The following CDYL2 variants were observed in gnomAD, a reference collection of about 807,000 sequenced individuals.
CDYL2 encodes the protein chromodomain Y-like protein 2.
CDYL2 carries 23 observed loss-of-function variants against 49.4 expected under a neutral mutation model. The ratio of observed to expected loss-of-function variants is 0.47; its 90% CI spans 0.34 to 0.66. The LOEUF (loss-of-function observed/expected upper bound fraction) is 0.66, where lower values mean the gene tolerates loss of function less well. Ranked by LOEUF, CDYL2 falls within the 30% of genes least tolerant of loss-of-function variation. The pLI is 0.01. For synonymous variants in CDYL2, 360 were observed against 268.8 expected, an observed-to-expected ratio of 1.34 and a Z score of -3.32; for missense variants, 678 against 656.4, an observed-to-expected ratio of 1.03 and a Z score of -0.36.
chr16:80,794,497 T>A (rs1191306029), intron 1 of CDYL2, among the ~76,000 whole-genome samples: 1 of 151,898 alleles, frequency 6.6e-6, no homozygotes, highest in Non-Finnish European at 1.5e-5. Context: ...GGAACTGACA[T>A]GGCTGCACCT....
intron 3 of CDYL2, chr16:80,632,706 G>C (rs1907620140): frequency 6.1e-6 from 2 of 325,826 alleles, no homozygotes; most frequent in Non-Finnish European, 1.2e-5. Context: ...AGTTTAGCTG[G>C]AAAAGCCCAA....
intron 2 of CDYL2, among the ~76,000 whole-genome samples, chr16:80,659,249 C>A (rs976935075): frequency 3.3e-5 from 5 of 152,160 alleles, no homozygotes; most frequent in Non-Finnish European, 1.5e-5. Flanking sequence ...TCAAAAATGT[C>A]AGCGTCATTA....
At chr16:80,734,580 C>A (rs558349220) in intron 1 of CDYL2, among the ~76,000 whole-genome samples, 1 of 152,204 alleles carries the variant, frequency 6.6e-6, no homozygotes, top group African/African-American at 2.4e-5. Context: ...AAGGAGAAGC[C>A]TTTCTCCTAG....
At chr16:80,686,226 C>G (rs1166955558) in intron 1 of CDYL2, among the ~76,000 whole-genome samples, 1 of 152,188 alleles carries the variant, frequency 6.6e-6, no homozygotes, top group Admixed American at 6.5e-5. Flanking sequence ...GAAAAATACA[C>G]TCGGAAAATG....
chr16:80,666,640 G>A (rs1319966064), intron 2 of CDYL2, among the ~76,000 whole-genome samples: 1 of 152,194 alleles, frequency 6.6e-6, no homozygotes, highest in East Asian at 1.9e-4. Flanking sequence ...GAAGAGCCCT[G>A]ACAAAATACG....
At chr16:80,694,442 A>C (rs1323134270) in intron 1 of CDYL2, among the ~76,000 whole-genome samples, 5 of 152,188 alleles carry the variant, frequency 3.3e-5, no homozygotes, top group African/African-American at 9.7e-5. Flanking sequence ...GGTTTGAGCA[A>C]ATATGTAAAT....
chr16:80,612,556 A>C lies in CDYL2; in HGVS notation c.1218+70T>G. On this transcript the variant is annotated intron_variant, in intron 5 of 6. Coordinates refer to ENST00000570137, the MANE Select transcript of CDYL2 (RefSeq NM_152342.4). This position sits in a 1 kb window ranked among gnomAD's most constrained non-coding sequence, Gnocchi z 5.0. Reference sequence around the variant, plus strand: ...CACCCTCAGGTTTCTAGCCCCATGAAGAGCCCCTAAACCCAAGGCAGAGGA... The same window carrying C: ...CACCCTCAGGTTTCTAGCCCCATGACGAGCCCCTAAACCCAAGGCAGAGGA... 4 of 1,448,096 alleles carry C rather than the reference A, an allele frequency of 2.8e-6. No individual in the cohort carries two copies. Among genetic ancestry groups the C allele is most frequent in the Non-Finnish European group, 3.7e-6 (4 of 1,071,566 alleles). 89.7% of individuals were successfully genotyped at this position (1,448,096 alleles called of 1,614,324 possible).
chr16:80,657,797 T>A (rs1908873142), intron 2 of CDYL2, among the ~76,000 whole-genome samples: 2 of 152,140 alleles, frequency 1.3e-5, no homozygotes, highest in South Asian at 4.1e-4. Context: ...ATCCCACTTC[T>A]AGAAATTTAA....
chr16:80,748,500 C>A (rs1597113767), intron 1 of CDYL2, among the ~76,000 whole-genome samples: 1 of 71,540 alleles, frequency 1.4e-5, no homozygotes, highest in African/African-American at 5.4e-5. Context: ...CAGAGCAAAA[C>A]TCCATTAAAA....
chr16:80,781,910 G>C (rs1303330190), intron 1 of CDYL2, among the ~76,000 whole-genome samples: 1 of 151,850 alleles, frequency 6.6e-6, no homozygotes, highest in African/African-American at 2.4e-5. Context: ...GCAGTGCTCA[G>C]GGGACATTTA....
intron 1 of CDYL2, among the ~76,000 whole-genome samples, chr16:80,764,306 T>C (rs1472058614): frequency 1.3e-5 from 2 of 152,146 alleles, no homozygotes; most frequent in Non-Finnish European, 2.9e-5. Flanking sequence ...ATGTGACCTA[T>C]ATAAAGACAA....
intron 1 of CDYL2, among the ~76,000 whole-genome samples, chr16:80,769,759 C>T (rs1255617903): frequency 6.6e-6 from 1 of 152,066 alleles, no homozygotes; most frequent in Non-Finnish European, 1.5e-5. Context: ...TAAATAATAA[C>T]AATAATAAGG....
At chr16:80,753,535 G>T (rs1208266712) in intron 1 of CDYL2, among the ~76,000 whole-genome samples, 1 of 152,116 alleles carries the variant, frequency 6.6e-6, no homozygotes, top group Non-Finnish European at 1.5e-5. Flanking sequence ...TTGAACTGGG[G>T]AGGTGAAGGT....
chr16:80,738,267 T>C (rs1323275388), intron 1 of CDYL2, among the ~76,000 whole-genome samples: 1 of 152,212 alleles, frequency 6.6e-6, no homozygotes, highest in African/African-American at 2.4e-5. Context: ...AGTCTATCAC[T>C]GGTGGGCATT....
Position 80,804,236 on chromosome 16 carries a change from TGC to T in CDYL2, c.-65_-64del, listed in dbSNP as rs1908027628. The T allele has an allele frequency of 1.5e-6, 2 of 1,314,070 alleles. No homozygotes were observed. Among genetic ancestry groups the T allele is most frequent in the Non-Finnish European group, 2.0e-6 (2 of 1,001,228 alleles). 81.4% of individuals were successfully genotyped at this position (1,314,070 alleles called of 1,614,324 possible). A position where few individuals can be genotyped will look rare whatever the true frequency, so the allele number is the denominator to read the frequency against. On this transcript the variant is annotated 5_prime_UTR_variant, in exon 1 of 7. Transcript: ENST00000570137. The stretch of plus-strand genomic sequence containing the variant: ...TGCTCGCTCGCGCCCTCCGTGCGTG[TGC>T]GCGCGGGGTCCGGTGTGCGCGTGTG...
In CDYL2 at chr16:80,612,607, G is replaced by C. The variant is rs760964127; in HGVS notation, c.1218+19C>G. 7.6e-6 allele frequency: 12 copies of C among 1,584,752 alleles called. No individual in the cohort carries two copies. Among genetic ancestry groups the C allele is most frequent in the Non-Finnish European group, 1.0e-5 (12 of 1,165,060 alleles). Reference sequence around the variant, plus strand: ...AGGATCCTGCTGGGACCCGAATCCAGGTATCACAGGAGGCTTACCAGCGCG... The same window carrying C: ...AGGATCCTGCTGGGACCCGAATCCACGTATCACAGGAGGCTTACCAGCGCG... On this transcript the variant is annotated intron_variant, in intron 5 of 6. Coordinates refer to ENST00000570137, the MANE Select transcript of CDYL2 (RefSeq NM_152342.4). The surrounding 1 kb of genome is among the most constrained non-coding windows in gnomAD (Gnocchi z 5.0).
intron 1 of CDYL2, among the ~76,000 whole-genome samples, chr16:80,752,501 A>C (rs1347939060): frequency 6.6e-6 from 1 of 152,232 alleles, no homozygotes; most frequent in Non-Finnish European, 1.5e-5. Flanking sequence ...AATTCTGAAA[A>C]GTACCCAGAT....
At chr16:80,753,518 G>A (rs979110823) in intron 1 of CDYL2, among the ~76,000 whole-genome samples, 2 of 152,126 alleles carry the variant, frequency 1.3e-5, no homozygotes, top group Admixed American at 1.3e-4. Flanking sequence ...TGAGGCAGGA[G>A]AATCACTTGA....
intron 2 of CDYL2, among the ~76,000 whole-genome samples, chr16:80,679,172 T>C (rs1047427139): frequency 6.7e-6 from 1 of 149,748 alleles, no homozygotes; most frequent in Non-Finnish European, 1.5e-5. Flanking sequence ...AGATGACGAG[T>C]TAGTGGGTGC....
Sources: gnomAD v4.1 joint callset for allele counts (sites outside exome capture counted in the v4.1 genomes callset) on GRCh38, gnomAD v4.1.1 for gene constraint, Gnocchi (gnomAD v3.1) non-coding constraint, MANE v1.5 for transcripts, NCBI Gene and HGNC (gene_info 2026-07-23, HGNC 2026-07-21) for gene names.